The following CNTN3 variants were observed in gnomAD, a reference collection of about 807,000 sequenced individuals.
The protein encoded by CNTN3 is contactin-3.
Under a neutral mutation model 119.1 loss-of-function variants are expected in CNTN3, and 60 were observed. That is an observed-to-expected ratio of 0.50 (90% CI 0.41 to 0.62). The LOEUF is 0.62. Ranked by LOEUF, CNTN3 falls within the 20% of genes least tolerant of loss-of-function variation. The probability of loss-of-function intolerance (pLI) is 0.00; values close to 1 mark genes in which losing one functional copy is unlikely to be tolerated. For missense variants in CNTN3, 1,101 were observed against 1,242.4 expected, an observed-to-expected ratio of 0.89 and a Z score of 1.71; for synonymous variants, 450 against 438.7, an observed-to-expected ratio of 1.03 and a Z score of -0.32.
At chr3:74,295,050 A>C (rs1015870249) in intron 19 of CNTN3, 71 bp downstream of exon 19, 1 of 1,040,104 alleles carries the variant, frequency 9.6e-7, no homozygotes, top group Non-Finnish European at 1.4e-6. Flanking sequence ...GTCATTGTTA[A>C]GGGTTTTAAA....
chr3:74,573,067 C>A (rs1704359939), intron 1 of CNTN3, among the ~76,000 whole-genome samples: 1 of 152,200 alleles, frequency 6.6e-6, no homozygotes, highest in Non-Finnish European at 1.5e-5. Flanking sequence ...TCCCACAAGG[C>A]ACGTGACTCC....
chr3:74,267,660 C>A (rs1229842596), intron 20 of CNTN3: 1 of 324,028 alleles, frequency 3.1e-6, no homozygotes, highest in Non-Finnish European at 5.8e-6. Flanking sequence ...CCAAAAAAGG[C>A]ATTTCAATTA....
At position 74,467,920 on chromosome 3, in the gene CNTN3, T is replaced by G. The variant is rs570945241; in HGVS notation, c.358+18536A>C. 1.5e-4 allele frequency among the ~76,000 whole-genome samples: 23 copies of G among 152,190 alleles called. No individual in the cohort carries two copies. The East Asian group carries it at 4.4e-3, about 29-fold the overall frequency. On this transcript the variant is annotated intron_variant, in intron 4 of 22. Transcript: ENST00000263665. The stretch of plus-strand genomic sequence containing the variant: ...TTTCTAAGCAAGAATCTTTCTGAGG[T>G]TCAAGAAAATAAAACTGATCTATGC...
intron 5 of CNTN3, among the ~76,000 whole-genome samples, chr3:74,411,591 T>G (rs551292493): frequency 2.0e-5 from 3 of 152,306 alleles, no homozygotes; most frequent in South Asian, 4.1e-4. Context: ...GTCCTCATAC[T>G]TTTCCATGGG....
chr3:74,375,930 C>T (rs549396615), intron 5 of CNTN3, among the ~76,000 whole-genome samples: 96 of 152,224 alleles, frequency 6.3e-4, no homozygotes, highest in African/African-American at 2.2e-3. Flanking sequence ...TTAGCCATCT[C>T]GCTGTGAATT....
At chr3:74,559,376 G>A (rs1365849662) in intron 1 of CNTN3, among the ~76,000 whole-genome samples, 1 of 152,102 alleles carries the variant, frequency 6.6e-6, no homozygotes, top group Non-Finnish European at 1.5e-5. Context: ...TGAAGGAGAA[G>A]CAATGGCCAT....
chr3:74,504,589 T>C (rs1269275161), intron 2 of CNTN3, among the ~76,000 whole-genome samples: 1 of 152,162 alleles, frequency 6.6e-6, no homozygotes, highest in Non-Finnish European at 1.5e-5. Context: ...AGACAAAGTA[T>C]TCGATCTTAG....
intron 1 of CNTN3, among the ~76,000 whole-genome samples, chr3:74,583,923 T>C (rs1455597749): frequency 1.3e-5 from 2 of 152,152 alleles, no homozygotes; most frequent in Non-Finnish European, 2.9e-5. Flanking sequence ...TGGCCCTAGC[T>C]CTTGTCCCTG....
chr3:74,394,218 G>A (rs1299425163), intron 5 of CNTN3, among the ~76,000 whole-genome samples: 1 of 152,088 alleles, frequency 6.6e-6, no homozygotes, highest in Non-Finnish European at 1.5e-5. Context: ...AAAACTCAAA[G>A]GGTAGTAAGT....
At position 74,499,706 on chromosome 3, in the gene CNTN3, T is replaced by A; in HGVS notation, c.135A>T (p.Lys45Asn). Residue 45 changes from lysine to asparagine, a missense_variant, in exon 3 of 23, where the codon AAA (lysine) becomes AAT (asparagine). By Grantham distance (94) the Lys-to-Asn change is moderately conservative. Coordinates refer to ENST00000263665, the MANE Select transcript of CNTN3 (RefSeq NM_020872.3). ...SIFPVGSEDK[K>N]ITLHCEARGN... ...CTCTTGCTTCACAATGCAAAGTTATTTTTTTATCTTCTGAACCAACAGGGA... is the reference window on the plus strand; with the variant it reads ...CTCTTGCTTCACAATGCAAAGTTATATTTTTATCTTCTGAACCAACAGGGA... 6.2e-7 allele frequency: 1 copy of A among 1,611,906 alleles called. No individual in the cohort carries two copies. The highest frequency in any genetic ancestry group is 8.5e-7 in the Non-Finnish European group (1 of 1,178,606).
chr3:74,552,898 C>T (rs1322091359), intron 1 of CNTN3, among the ~76,000 whole-genome samples: 2 of 152,170 alleles, frequency 1.3e-5, no homozygotes, highest in African/African-American at 2.4e-5. Context: ...CTGAGTCCCC[C>T]CAGGCCATGC....
At chr3:74,542,718 T>G (rs549004566) in intron 1 of CNTN3, among the ~76,000 whole-genome samples, 1 of 152,330 alleles carries the variant, frequency 6.6e-6, no homozygotes, top group East Asian at 1.9e-4. Context: ...TCATATATAT[T>G]GTTTAAACAG....
intron 1 of CNTN3, among the ~76,000 whole-genome samples, chr3:74,603,415 C>A (rs9875316): frequency 0.21 from 31,342 of 151,998 alleles, 6,219 homozygotes; most frequent in African/African-American, 0.51. Flanking sequence ...TAGATCCTAG[C>A]AGAATAAGCC....
chr3:74,509,254 C>A (rs989799497), intron 2 of CNTN3, among the ~76,000 whole-genome samples: 1 of 151,868 alleles, frequency 6.6e-6, no homozygotes, highest in African/African-American at 2.4e-5. Flanking sequence ...TTTGCTAAAT[C>A]ACCTAATTCT....
At chr3:74,395,760 G>C (rs952935752) in intron 5 of CNTN3, among the ~76,000 whole-genome samples, 2 of 152,110 alleles carry the variant, frequency 1.3e-5, no homozygotes, top group African/African-American at 2.4e-5. Flanking sequence ...CAGATATTGT[G>C]TGTGTGTGTT....
chr3:74,435,302 G>A (rs1321812270), intron 4 of CNTN3, among the ~76,000 whole-genome samples: 2 of 152,122 alleles, frequency 1.3e-5, no homozygotes, highest in Admixed American at 1.3e-4. Context: ...AGCCTCCCAA[G>A]TAGCTGGGTC....
At chr3:74,608,337 A>G (rs1252567136) in intron 1 of CNTN3, among the ~76,000 whole-genome samples, 1 of 152,154 alleles carries the variant, frequency 6.6e-6, no homozygotes, top group Non-Finnish European at 1.5e-5. Flanking sequence ...AATTTCCCCC[A>G]TTTATAAGTA....
chr3:74,506,421 G>A (rs765655768), intron 2 of CNTN3, among the ~76,000 whole-genome samples: 2 of 152,114 alleles, frequency 1.3e-5, no homozygotes, highest in Admixed American at 1.3e-4. Context: ...TTATAGCGCA[G>A]GACATAATGT....
chr3:74,292,698 G>A (rs922432299), intron 19 of CNTN3, among the ~76,000 whole-genome samples: 8 of 152,188 alleles, frequency 5.3e-5, no homozygotes, highest in African/African-American at 1.4e-4. Context: ...CTACAGGTGA[G>A]GAAAACGAGG....
Sources: allele counts gnomAD v4.1 joint callset (sites outside exome capture counted in the v4.1 genomes callset), GRCh38; gene constraint gnomAD v4.1.1; transcripts MANE v1.5; gene names NCBI Gene and HGNC (gene_info 2026-07-23, HGNC 2026-07-21).